Variants in EBPL observed in about 807,000 individuals in gnomAD.
EBPL encodes EBP like, also known as emopamil-binding protein-like.
EBPL carries 20 observed loss-of-function variants against 19.0 expected under a neutral mutation model. The ratio of observed to expected loss-of-function variants is 1.05; its 90% CI spans 0.74 to 1.53. EBPL has a LOEUF of 1.53. EBPL is among the 40% of genes most tolerant of loss of function. The pLI, the probability that EBPL is intolerant of heterozygous loss-of-function variation, is 0.00. For missense variants in EBPL, 219 were observed against 261.1 expected, an observed-to-expected ratio of 0.84 and a Z score of 1.11; for synonymous variants, 107 against 117.0, an observed-to-expected ratio of 0.91 and a Z score of 0.55.
chr13:49,667,090 A>T (rs1965240067), intron 2 of EBPL, among the ~76,000 whole-genome samples: 1 of 152,058 alleles, frequency 6.6e-6, no homozygotes, highest in Non-Finnish European at 1.5e-5. Context: ...TTAATGCGTG[A>T]GAGGAAGGTA....
intron 1 of EBPL, among the ~76,000 whole-genome samples, chr13:49,676,226 G>T (rs960278486): frequency 3.4e-5 from 5 of 148,746 alleles, no homozygotes; most frequent in Admixed American, 2.1e-4. Flanking sequence ...CACTCATCAT[G>T]AGGGCAAGGG....
intron 2 of EBPL, among the ~76,000 whole-genome samples, chr13:49,664,536 A>C (rs761551389): frequency 6.6e-6 from 1 of 152,200 alleles, no homozygotes; most frequent in South Asian, 2.1e-4. Flanking sequence ...AATGATGGCC[A>C]GGTATTATGG....
chr13:49,686,570 T>C (rs1954001039), intron 1 of EBPL: 6 of 1,289,694 alleles, frequency 4.7e-6, no homozygotes, highest in African/African-American at 4.6e-5. Context: ...AGCACTCTCC[T>C]GGTTCGTGGT....
At chr13:49,676,407 C>T (rs960106159) in intron 1 of EBPL, among the ~76,000 whole-genome samples, 6 of 151,974 alleles carry the variant, frequency 3.9e-5, no homozygotes, top group African/African-American at 1.2e-4. Context: ...CTGGTTAACA[C>T]GGCGAAACCC....
chr13:49,666,886 T>TAAA (rs11275522), intron 2 of EBPL, among the ~76,000 whole-genome samples: 1 of 140,084 alleles, frequency 7.1e-6, no homozygotes, highest in Non-Finnish European at 1.5e-5. Flanking sequence ...GAGACTCTGT[T>TAAA]AAAAAAAAAA....
intron 1 of EBPL, among the ~76,000 whole-genome samples, chr13:49,675,051 G>A (rs1953861550): frequency 6.6e-6 from 1 of 152,194 alleles, no homozygotes; most frequent in Admixed American, 6.5e-5. Context: ...CCTCGTGTAA[G>A]TGAAATGAGA....
rs2137479889 is a variant in EBPL at position 49,661,803 on chromosome 13, G to A, written c.381-595C>T. Reference sequence around the variant, plus strand: ...TATCTCTCTAAAATTGGGTGGGGAAGGAAGCTTTAAATAAGACTTCTTCAT... The same window carrying A: ...TATCTCTCTAAAATTGGGTGGGGAAAGAAGCTTTAAATAAGACTTCTTCAT... On this transcript the variant is annotated intron_variant, in intron 3 of 3. Coordinates refer to ENST00000242827, the MANE Select transcript of EBPL (RefSeq NM_032565.5). 7 of 1,532,078 alleles carry A rather than the reference G, an allele frequency of 4.6e-6. No individual in the cohort carries two copies. In the South Asian group the frequency reaches 4.9e-5, roughly 11 times the overall value. The allele number at this position is 1,532,078 out of a possible 1,614,324, so 94.9% of individuals were successfully genotyped here. A position where few individuals can be genotyped will look rare whatever the true frequency, so the allele number is the denominator to read the frequency against.
At chr13:49,666,462 G>A (rs1480246837) in intron 2 of EBPL, among the ~76,000 whole-genome samples, 1 of 152,080 alleles carries the variant, frequency 6.6e-6, no homozygotes, top group African/African-American at 2.4e-5. Context: ...TGTAATCCCA[G>A]CATTTTGAGA....
At chr13:49,684,119 C>A (rs1953972039) in intron 1 of EBPL, among the ~76,000 whole-genome samples, 1 of 152,154 alleles carries the variant, frequency 6.6e-6, no homozygotes, top group Non-Finnish European at 1.5e-5. Flanking sequence ...GCACTGGGAT[C>A]ATCTTCAAAG....
Position 49,676,222 on chromosome 13 carries a change from T to C in EBPL, c.172-6376A>G, listed in dbSNP as rs768236382. Among the ~76,000 whole-genome samples the C allele has an allele frequency of 2.0e-5, 3 of 151,234 alleles. No individual in the cohort carries two copies. In the East Asian group the frequency reaches 5.9e-4, roughly 30 times the overall value. ...TCTGAGAACAAGATCTGCCCACTCATCATGAGGGCAAGGGGTCTGCAGTGA... is the reference window on the plus strand; with the variant it reads ...TCTGAGAACAAGATCTGCCCACTCACCATGAGGGCAAGGGGTCTGCAGTGA... On this transcript the variant is annotated intron_variant, in intron 1 of 3. Coordinates refer to ENST00000242827, the MANE Select transcript of EBPL (RefSeq NM_032565.5).
chr13:49,669,754 C>T (rs201223590), intron 2 of EBPL, 23 bp downstream of exon 2: 22 of 1,609,986 alleles, frequency 1.4e-5, no homozygotes, highest in East Asian at 1.3e-4. Context: ...ACATTTCAAA[C>T]GCAAACGTTT....
intron 1 of EBPL, chr13:49,686,458 G>T: frequency 7.8e-7 from 1 of 1,283,914 alleles, no homozygotes; most frequent in African/African-American, 1.5e-5. Context: ...TGACTTCCTG[G>T]TTGCCAGGTG....
At chr13:49,669,422 T>C (rs1335622746) in intron 2 of EBPL, among the ~76,000 whole-genome samples, 1 of 152,178 alleles carries the variant, frequency 6.6e-6, no homozygotes, top group Non-Finnish European at 1.5e-5. Context: ...GGCTCAAATA[T>C]TGTTTAATAT....
chr13:49,670,567 G>C (rs967434911), intron 1 of EBPL, among the ~76,000 whole-genome samples: 5 of 151,966 alleles, frequency 3.3e-5, no homozygotes, highest in African/African-American at 9.7e-5. Flanking sequence ...ATTAAAACTG[G>C]GTCCTGCCAC....
At chr13:49,662,920 G>A in intron 3 of EBPL, 137 bp downstream of exon 3, 2 of 1,159,652 alleles carry the variant, frequency 1.7e-6, no homozygotes, top group Middle Eastern at 3.0e-4. Flanking sequence ...ACAGGTGGGA[G>A]CCACCGCGCC....
At chr13:49,665,632 T>C (rs187077619) in intron 2 of EBPL, among the ~76,000 whole-genome samples, 1 of 152,110 alleles carries the variant, frequency 6.6e-6, no homozygotes, top group African/African-American at 2.4e-5. Context: ...GTCTCAAACT[T>C]AACCTCAAGT....
In EBPL at chr13:49,660,882, G is replaced by A; in HGVS notation, c.*86C>T. On this transcript the variant is annotated 3_prime_UTR_variant, in exon 4 of 4. Coordinates refer to ENST00000242827, the MANE Select transcript of EBPL (RefSeq NM_032565.5). ...ACAATACAAAAACAAAGTGTAGACT[G>A]GAATGTATTACATTTTGGCCAAACA... The A allele has an allele frequency of 8.5e-7, 1 of 1,181,576 alleles. No homozygotes were observed. The allele number at this position is 1,181,576 out of a possible 1,614,324, so 73.2% of individuals were successfully genotyped here.
intron 1 of EBPL, among the ~76,000 whole-genome samples, chr13:49,681,032 A>C (rs1237388971): frequency 1.3e-5 from 2 of 152,214 alleles, no homozygotes; most frequent in East Asian, 1.9e-4. Flanking sequence ...ATAAATATTT[A>C]AAATATTTTC....
chr13:49,672,914 G>T (rs573237167), intron 1 of EBPL, among the ~76,000 whole-genome samples: 4 of 152,258 alleles, frequency 2.6e-5, no homozygotes, highest in African/African-American at 4.8e-5. Flanking sequence ...AAAACAATTA[G>T]CCGGGTGTGG....
Sources: gnomAD v4.1 joint callset for allele counts (sites outside exome capture counted in the v4.1 genomes callset) on GRCh38, gnomAD v4.1.1 for gene constraint, MANE v1.5 for transcripts, NCBI Gene and HGNC (gene_info 2026-07-23, HGNC 2026-07-21) for gene names.